Variants in PLXNB2 observed in about 807,000 individuals in gnomAD.
The protein encoded by PLXNB2 is plexin B2.
A neutral mutation model predicts 202.6 loss-of-function variants in PLXNB2; 85 were observed. That is an observed-to-expected ratio of 0.42 (90% CI 0.35 to 0.50). The LOEUF is 0.50. PLXNB2 is among the 20% of genes least tolerant of loss of function. PLXNB2 has a pLI of 0.02. For synonymous variants in PLXNB2, 1,239 were observed against 1,137.6 expected (o/e 1.09, Z -1.79); for missense variants, 2,063 against 2,586.2 (o/e 0.80, Z 4.39).
chr22:50,292,512 G>T (rs1438605770), intron 2 of PLXNB2, among the ~76,000 whole-genome samples: 2 of 152,142 alleles, frequency 1.3e-5, no homozygotes, highest in Admixed American at 1.3e-4. Flanking sequence ...CACACCGCGG[G>T]CATGGGTGGG....
Position 50,283,609 on chromosome 22 carries a change from ACACGGAGTAACGTTCCGG to A in PLXNB2, c.2545_2562del (p.Pro849_Val854del). 6.2e-7 allele frequency: 1 copy of A among 1,611,450 alleles called. No homozygotes were observed. The highest frequency in any genetic ancestry group is 8.5e-7 in the Non-Finnish European group (1 of 1,179,504). On this transcript the variant is annotated inframe_deletion, in exon 15 of 37. Transcript: ENST00000359337. The stretch of plus-strand genomic sequence containing the variant: ...CCAGGGCCGTCCACTCACCGGGTGG[ACACGGAGTAACGTTCCGG>A]CTGAAAGGAGCAGTTCCGGCCGGCC...
rs2066598582 is a variant in PLXNB2, at chr22:50,288,063, AC to A, written c.1381-27del. 5 of 1,525,684 alleles carry A rather than the reference AC, an allele frequency of 3.3e-6. No homozygotes were observed. Among genetic ancestry groups the A allele is most frequent in the Non-Finnish European group, 4.4e-6 (5 of 1,126,072 alleles). 94.5% of individuals were successfully genotyped at this position (1,525,684 alleles called of 1,614,324 possible). A position where few individuals can be genotyped will look rare whatever the true frequency, so the allele number is the denominator to read the frequency against. On this transcript the variant is annotated intron_variant, in intron 5 of 36. Coordinates refer to ENST00000359337, the MANE Select transcript of PLXNB2 (RefSeq NM_012401.4). This position sits in a 1 kb window ranked among gnomAD's most constrained non-coding sequence, Gnocchi z 5.0. Reference sequence around the variant, plus strand: ...CTAGGGCAGCGGGGCCGTGAGTGGGACCACAGCAGAGGCCGCACGGGCCTTC... The same window carrying A: ...CTAGGGCAGCGGGGCCGTGAGTGGGACACAGCAGAGGCCGCACGGGCCTTC...
chr22:50,301,530 C>G lies in PLXNB2; in HGVS notation c.-74+6023G>C, dbSNP rs187072693. On this transcript the variant is annotated intron_variant, in intron 1 of 36. Coordinates refer to ENST00000359337, the MANE Select transcript of PLXNB2 (RefSeq NM_012401.4). ...TCTGGGGCTCAGTCACTTGGAGTCT[C>G]TCCTGAAAGGAGGCCTCCCGGCCCG... is the stretch of plus-strand genomic sequence containing the variant. The G allele has an allele frequency of 2.9e-3, 1,141 of 390,906 alleles. 5 individuals carry two copies. Among genetic ancestry groups the G allele is most frequent in the Non-Finnish European group, 3.9e-3 (1,104 of 286,210 alleles). The allele number at this position is 390,906 out of a possible 1,614,324, so 24.2% of individuals were successfully genotyped here.
In PLXNB2 at chr22:50,288,299, C is replaced by T. The variant is rs576888971; in HGVS notation, c.1381-262G>A. Among the ~76,000 whole-genome samples, 6 of 152,236 alleles carry T rather than the reference C, an allele frequency of 3.9e-5. No homozygotes were observed. In the South Asian group the frequency reaches 6.2e-4, roughly 16 times the overall value. Reference sequence around the variant, plus strand: ...TCCTGTCCTCTACACTGGCTCCCTCCGAGGGGTGCTCCTAGGGCTGGCCTG... The same window carrying T: ...TCCTGTCCTCTACACTGGCTCCCTCTGAGGGGTGCTCCTAGGGCTGGCCTG... On this transcript the variant is annotated intron_variant, in intron 5 of 36. Coordinates refer to ENST00000359337, the MANE Select transcript of PLXNB2 (RefSeq NM_012401.4). The surrounding 1 kb of genome is among the most constrained non-coding windows in gnomAD (Gnocchi z 5.0).
intron 25 of PLXNB2, 37 bp from the exon 26 acceptor site, chr22:50,280,108 G>T: frequency 6.6e-7 from 1 of 1,516,642 alleles, no homozygotes; most frequent in Non-Finnish European, 8.9e-7. Flanking sequence ...GAGTGACCCC[G>T]TAGTATTCCT....
At chr22:50,306,713 ACCC>A (rs2147742483) in intron 1 of PLXNB2, among the ~76,000 whole-genome samples, 2 of 150,564 alleles carry the variant, frequency 1.3e-5, no homozygotes, top group African/African-American at 4.9e-5. Context: ...CCTCACCCTC[ACCC>A]TCACCCTCAC....
At position 50,289,337 on chromosome 22, in the gene PLXNB2, T is replaced by C. The variant is rs1183648505; in HGVS notation, c.1068+180A>G. 2.0e-5 allele frequency among the ~76,000 whole-genome samples: 3 copies of C among 151,976 alleles called. No homozygotes were observed. In the East Asian group the frequency reaches 5.8e-4, roughly 30 times the overall value. ...TGTTCCCCAGTGCCCGACACAGGCCTGGGACTGGCGCCAGCGTGAATGGCA... is the reference window on the plus strand; with the variant it reads ...TGTTCCCCAGTGCCCGACACAGGCCCGGGACTGGCGCCAGCGTGAATGGCA... On this transcript the variant is annotated intron_variant, in intron 3 of 36. Coordinates refer to ENST00000359337, the MANE Select transcript of PLXNB2 (RefSeq NM_012401.4). The surrounding 1 kb of genome is among the most constrained non-coding windows in gnomAD (Gnocchi z 8.0).
In PLXNB2 at chr22:50,288,019, G is replaced by A; in HGVS notation, c.1399C>T (p.Gln467Ter). 2 of 1,561,786 alleles carry A rather than the reference G, an allele frequency of 1.3e-6. No homozygotes were observed. The highest frequency in any genetic ancestry group is 1.7e-6 in the Non-Finnish European group (2 of 1,153,628). The change falls in exon 6 of 37, where the codon CAG becomes TAG. Residue 467 changes from glutamine (Q) to a stop codon, truncating the protein, a stop_gained. Transcript: ENST00000359337. LOFTEE classifies it high-confidence loss of function. The surrounding 1 kb of genome is among the most constrained non-coding windows in gnomAD (Gnocchi z 5.0). ...TQDKVFRLPVQECLSYPTCTQ... is the reference protein window; with the variant it reads ...TQDKVFRLPV The stretch of plus-strand genomic sequence containing the variant: ...CAGGTCGGGTAGCTCAGGCACTCCT[G>A]CACCGGCAGCCGGAACACCTAGGGC...
In PLXNB2 at chr22:50,288,070, C is replaced by T. The variant is rs2066599299; in HGVS notation, c.1381-33G>A. 1 of 1,502,602 alleles carries T rather than the reference C, an allele frequency of 6.7e-7. No homozygotes were observed. The highest frequency in any genetic ancestry group is 1.4e-5 in the African/African-American group (1 of 72,094). The allele number at this position is 1,502,602 out of a possible 1,614,324, so 93.1% of individuals were successfully genotyped here. A position where few individuals can be genotyped will look rare whatever the true frequency, so the allele number is the denominator to read the frequency against. On this transcript the variant is annotated intron_variant, in intron 5 of 36. Coordinates refer to ENST00000359337, the MANE Select transcript of PLXNB2 (RefSeq NM_012401.4). This position sits in a 1 kb window ranked among gnomAD's most constrained non-coding sequence, Gnocchi z 5.0. ...AGCGGGGCCGTGAGTGGGACCACAG[C>T]AGAGGCCGCACGGGCCTTCCGCAGA...
rs774952692 is a variant in PLXNB2, at chr22:50,278,541, G to A, written c.4648-22C>T. The A allele has an allele frequency of 2.1e-5, 33 of 1,586,540 alleles. No homozygotes were observed. The East Asian group carries it at 4.9e-4, about 23-fold the overall frequency. On this transcript the variant is annotated intron_variant, in intron 29 of 36. Coordinates refer to ENST00000359337, the MANE Select transcript of PLXNB2 (RefSeq NM_012401.4). ...GGACCTGGGGAACACGGCGGTGAGG[G>A]TGGGCTGTGCCCCCAGGGTGCCCAG...
At position 50,289,394 on chromosome 22, in the gene PLXNB2, C is replaced by T; in HGVS notation, c.1068+123G>A. 1 of 1,297,388 alleles carries T rather than the reference C, an allele frequency of 7.7e-7. No individual in the cohort carries two copies. The allele number at this position is 1,297,388 out of a possible 1,614,324, so 80.4% of individuals were successfully genotyped here. A position where few individuals can be genotyped will look rare whatever the true frequency, so the allele number is the denominator to read the frequency against. ...GATGCGGCACCCACCCACGCAAGCG[C>T]CCAGGCTGGCGAGAGCCACGGCCAC... On this transcript the variant is annotated intron_variant, in intron 3 of 36. Coordinates refer to ENST00000359337, the MANE Select transcript of PLXNB2 (RefSeq NM_012401.4). This position sits in a 1 kb window ranked among gnomAD's most constrained non-coding sequence, Gnocchi z 8.0.
chr22:50,305,722 G>T (rs993547412), intron 1 of PLXNB2, among the ~76,000 whole-genome samples: 1 of 152,154 alleles, frequency 6.6e-6, no homozygotes, highest in Non-Finnish European at 1.5e-5. Flanking sequence ...ACTGGCACAG[G>T]GTGTGTCCCT....
rs764481494 is a variant in PLXNB2 at position 50,288,796 on chromosome 22, C to T, written c.1327G>A (p.Asp443Asn). 8.7e-6 allele frequency: 14 copies of T among 1,613,112 alleles called. No homozygotes were observed. Among genetic ancestry groups the T allele is most frequent in the South Asian group, 1.1e-5 (1 of 91,052 alleles). Residue 443 changes from aspartate (D) to asparagine (N), a missense_variant, in exon 5 of 37, where the codon GAC becomes AAC. Around this residue, in one of 2 missense-constraint regions of PLXNB2, gnomAD observed 1,303 missense variants for 1,476.8 expected, o/e 0.88. Coordinates refer to ENST00000359337, the MANE Select transcript of PLXNB2 (RefSeq NM_012401.4). This position sits in a 1 kb window ranked among gnomAD's most constrained non-coding sequence, Gnocchi z 5.0. ...CCCAGGTCTCCAGACAGTACCAGGT[C>T]GCGCTTGACTCTCTTGTTTATCTCC... ...LVEINKRVKR[D>N]LVLSGDLGSL...
intron 1 of PLXNB2, among the ~76,000 whole-genome samples, chr22:50,305,697 T>C (rs2067859132): frequency 6.6e-6 from 1 of 152,082 alleles, no homozygotes; most frequent in Non-Finnish European, 1.5e-5. Context: ...TGCTCCTCCC[T>C]GGCACGCACA....
intron 1 of PLXNB2, among the ~76,000 whole-genome samples, chr22:50,296,941 C>T (rs2067320121): frequency 6.6e-6 from 1 of 152,200 alleles, no homozygotes; most frequent in African/African-American, 2.4e-5. Context: ...CCCTGCTGCA[C>T]AGGTAAGGGT....
Position 50,277,850 on chromosome 22 carries a change from C to T in PLXNB2, c.5048+3G>A. ...GGGCCGCGGGGTGGGTGTGGAGCCT[C>T]ACCTGTTCGTCTTCCAGATGTGGAT... On this transcript the variant is annotated splice_donor_region_variant and intron_variant, in intron 32 of 36. Coordinates refer to ENST00000359337, the MANE Select transcript of PLXNB2 (RefSeq NM_012401.4). The T allele has an allele frequency of 6.2e-7, 1 of 1,612,692 alleles. No homozygotes were observed. The highest frequency in any genetic ancestry group is 8.5e-7 in the Non-Finnish European group (1 of 1,179,684).
At position 50,284,518 on chromosome 22, in the gene PLXNB2, C is replaced by T. The variant is rs536596622; in HGVS notation, c.2181+55G>A. The T allele has an allele frequency of 7.3e-7, 1 of 1,365,920 alleles. No homozygotes were observed. The highest frequency in any genetic ancestry group is 1.2e-5 in the South Asian group (1 of 81,812). The allele number at this position is 1,365,920 out of a possible 1,614,324, so 84.6% of individuals were successfully genotyped here. A position where few individuals can be genotyped will look rare whatever the true frequency, so the allele number is the denominator to read the frequency against. Reference sequence around the variant, plus strand: ...TCACAGTCCTGAAGGTGACCCCCCACCCCACCCGGGGCCCTGGGGTCCAGC... The same window carrying T: ...TCACAGTCCTGAAGGTGACCCCCCATCCCACCCGGGGCCCTGGGGTCCAGC... On this transcript the variant is annotated intron_variant, in intron 12 of 36. Transcript: ENST00000359337. This position sits in a 1 kb window ranked among gnomAD's most constrained non-coding sequence, Gnocchi z 8.0.
At chr22:50,287,899 G>A in intron 6 of PLXNB2, 38 bp downstream of exon 6, 1 of 1,581,568 alleles carries the variant, frequency 6.3e-7, no homozygotes, top group Non-Finnish European at 8.6e-7. Flanking sequence ...CGGGATCCCA[G>A]AGGCAGGCCG....
At position 50,284,583 on chromosome 22, in the gene PLXNB2, C is replaced by T. The variant is rs762799219; in HGVS notation, c.2171G>A (p.Arg724Gln). 4.2e-5 allele frequency: 68 copies of T among 1,610,852 alleles called. No homozygotes were observed. Among genetic ancestry groups the T allele is most frequent in the East Asian group, 3.6e-4 (16 of 44,476 alleles). The stretch of plus-strand genomic sequence containing the variant: ...GCCCTGGAGCCGTACCTTTGGGGTC[C>T]GAAAGGCGAAGGTCCCAGATTCCTG... ...TMQESGTFAF[R>Q]TPKLSHDANE... The change falls in exon 12 of 37, where the codon CGG becomes CAG. Residue 724 changes from arginine (R) to glutamine (Q), a missense_variant. By Grantham distance (43) the Arg-to-Gln change is conservative. Coordinates refer to ENST00000359337, the MANE Select transcript of PLXNB2 (RefSeq NM_012401.4). This position sits in a 1 kb window ranked among gnomAD's most constrained non-coding sequence, Gnocchi z 8.0.
Sources: allele counts gnomAD v4.1 joint callset (sites outside exome capture counted in the v4.1 genomes callset), GRCh38; gene constraint gnomAD v4.1.1; regional missense constraint gnomAD v4.1.1; non-coding constraint Gnocchi (gnomAD v3.1); transcripts MANE v1.5; gene names NCBI Gene and HGNC (gene_info 2026-07-23, HGNC 2026-07-21).